The following RIN2 variants were observed in gnomAD, a reference collection of about 807,000 sequenced individuals.
RIN2 encodes RAB5 interacting protein 2.
RIN2 carries 36 observed loss-of-function variants against 78.0 expected under a neutral mutation model. That is an observed-to-expected ratio of 0.46 (90% CI 0.35 to 0.61). RIN2 has a LOEUF of 0.61. Among genes scored for constraint, RIN2 ranks in the 20% least tolerant of loss-of-function variants. The pLI is 0.00. For missense variants in RIN2, 1,087 were observed against 1,159.7 expected (o/e 0.94, Z 0.91); for synonymous variants, 466 against 466.8 (o/e 1.00, Z 0.02).
At chr20:19,924,503 C>T (rs111212269) in intron 3 of RIN2, among the ~76,000 whole-genome samples, 395 of 22,576 alleles carry the variant, frequency 0.017, 3 homozygotes, top group African/African-American at 0.033. Flanking sequence ...CTTCATACCC[C>T]CACCTTCACA....
chr20:19,886,513 T>C lies in RIN2; in HGVS notation c.-36-3053T>C, dbSNP rs560109443. The C allele has an allele frequency of 3.1e-5, 18 of 575,412 alleles. No individual in the cohort carries two copies. The East Asian group carries it at 3.7e-4, about 12-fold the overall frequency. 35.6% of individuals were successfully genotyped at this position (575,412 alleles called of 1,614,324 possible). On this transcript the variant is annotated intron_variant, in intron 2 of 12. Transcript: ENST00000255006. ...GCGCCGACCAACGCGACCAGCTCCGTTTACATTCTTTCAGTGGTGTTGTTG... is the reference window on the plus strand; with the variant it reads ...GCGCCGACCAACGCGACCAGCTCCGCTTACATTCTTTCAGTGGTGTTGTTG...
chr20:19,963,699 G>A (rs2041841140), intron 6 of RIN2, among the ~76,000 whole-genome samples: 1 of 152,038 alleles, frequency 6.6e-6, no homozygotes, highest in African/African-American at 2.4e-5. Context: ...CATAAAACAG[G>A]ATATTTCAAA....
chr20:19,863,271 C>T (rs2037401338), intron 2 of RIN2, among the ~76,000 whole-genome samples: 1 of 152,216 alleles, frequency 6.6e-6, no homozygotes, highest in Non-Finnish European at 1.5e-5. Flanking sequence ...ATTTCTATAA[C>T]ATTTGCAGTG....
Position 19,975,899 on chromosome 20 carries a change from G to T in RIN2, c.1762+112G>T, listed in dbSNP as rs1466081146. Reference sequence around the variant, plus strand: ...ACTCCGAAGTTCAAAACAACACCCAGCTCCACCTTCTCTCCCGGTTTGAAT... The same window carrying T: ...ACTCCGAAGTTCAAAACAACACCCATCTCCACCTTCTCTCCCGGTTTGAAT... On this transcript the variant is annotated intron_variant, in intron 9 of 12. Coordinates refer to ENST00000255006, the MANE Select transcript of RIN2 (RefSeq NM_018993.4). The surrounding 1 kb of genome is among the most constrained non-coding windows in gnomAD (Gnocchi z 4.9). 1.9e-5 allele frequency: 19 copies of T among 992,530 alleles called. No homozygotes were observed. The Admixed American group carries it at 3.9e-4, about 20-fold the overall frequency. The allele number at this position is 992,530 out of a possible 1,614,324, so 61.5% of individuals were successfully genotyped here. A position where few individuals can be genotyped will look rare whatever the true frequency, so the allele number is the denominator to read the frequency against.
intron 2 of RIN2, among the ~76,000 whole-genome samples, chr20:19,877,669 G>A (rs1339846938): frequency 6.6e-6 from 1 of 152,136 alleles, no homozygotes; most frequent in Non-Finnish European, 1.5e-5. Flanking sequence ...GCCCACACAG[G>A]ACCGAACCTT....
intron 1 of RIN2, 124 bp from the exon 2 acceptor site, chr20:19,799,498 A>T (rs1399199279): frequency 6.6e-6 from 1 of 152,194 alleles, no homozygotes; most frequent in Non-Finnish European, 1.5e-5. Flanking sequence ...AAAGGCCATC[A>T]CTGTGTTCTC....
At chr20:19,881,850 T>C (rs2038036079) in intron 2 of RIN2, among the ~76,000 whole-genome samples, 1 of 152,196 alleles carries the variant, frequency 6.6e-6, no homozygotes, top group East Asian at 1.9e-4. Context: ...ATTGTAAGAA[T>C]AAAGAGTATT....
At chr20:19,883,889 TA>T (rs140532587) in intron 2 of RIN2, among the ~76,000 whole-genome samples, 1,492 of 143,720 alleles carry the variant, frequency 0.01, 13 homozygotes, top group African/African-American at 0.031. Flanking sequence ...ACCACCTTGT[TA>T]AAAAAAAAAA....
intron 1 of RIN2, among the ~76,000 whole-genome samples, chr20:19,761,094 G>A (rs2033622294): frequency 6.6e-6 from 1 of 152,214 alleles, no homozygotes; most frequent in Non-Finnish European, 1.5e-5. Flanking sequence ...GGACTGTAAT[G>A]CCTCTGAAGA....
At chr20:19,997,993 T>TTA (rs2043024008) in intron 12 of RIN2, among the ~76,000 whole-genome samples, 1 of 151,464 alleles carries the variant, frequency 6.6e-6, no homozygotes, top group African/African-American at 2.4e-5. Context: ...TTTTTTTTCT[T>TTA]AAGACAGAGT....
rs559101641 is a variant in RIN2 at position 19,930,697 on chromosome 20, G to T, written c.58-4402G>T. Reference sequence around the variant, plus strand: ...CTCTCCTGTTTGGGGCCACAGCCACGGTCCAGAATGAAGCAGGGCCTAGTC... The same window carrying T: ...CTCTCCTGTTTGGGGCCACAGCCACTGTCCAGAATGAAGCAGGGCCTAGTC... On this transcript the variant is annotated intron_variant, in intron 3 of 12. Transcript: ENST00000255006. 3.9e-5 allele frequency among the ~76,000 whole-genome samples: 6 copies of T among 152,240 alleles called. No homozygotes were observed. The East Asian group carries it at 1.2e-3, about 29-fold the overall frequency.
At chr20:19,812,468 T>G (rs1364631193) in intron 2 of RIN2, among the ~76,000 whole-genome samples, 1 of 152,246 alleles carries the variant, frequency 6.6e-6, no homozygotes, top group East Asian at 1.9e-4. Flanking sequence ...ACTAATGATG[T>G]TAAGCATCTT....
chr20:19,902,653 G>C (rs1363865652), intron 3 of RIN2, among the ~76,000 whole-genome samples: 1 of 152,156 alleles, frequency 6.6e-6, no homozygotes, highest in Non-Finnish European at 1.5e-5. Flanking sequence ...CTTGCGCTGG[G>C]TAATTCTAAG....
chr20:19,934,262 G>A (rs185538915), intron 3 of RIN2, among the ~76,000 whole-genome samples: 9 of 137,644 alleles, frequency 6.5e-5, no homozygotes, highest in East Asian at 5.9e-4. Flanking sequence ...TGTAAATAAC[G>A]TTTGTATGGA....
intron 1 of RIN2, among the ~76,000 whole-genome samples, chr20:19,785,275 T>TACATAC (rs1555817796): frequency 2.1e-5 from 3 of 142,956 alleles, no homozygotes; most frequent in Non-Finnish European, 4.7e-5. Context: ...CCCCTCTACA[T>TACATAC]ACACACACAC....
chr20:19,854,573 T>C (rs1308839418), intron 2 of RIN2, among the ~76,000 whole-genome samples: 2 of 152,360 alleles, frequency 1.3e-5, no homozygotes, highest in East Asian at 1.9e-4. Context: ...TGGTTTGTAG[T>C]TCTCCTTGAA....
At chr20:19,977,182 G>A (rs545330489) in intron 9 of RIN2, among the ~76,000 whole-genome samples, 63 of 152,236 alleles carry the variant, frequency 4.1e-4, no homozygotes, top group Non-Finnish European at 8.2e-4. Flanking sequence ...CCTCTTAGGG[G>A]CTGGGGTCAG....
intron 7 of RIN2, 72 bp from the exon 8 acceptor site, chr20:19,970,766 A>G (rs1164453586): frequency 4.2e-6 from 5 of 1,191,716 alleles, no homozygotes; most frequent in Non-Finnish European, 4.9e-6. Flanking sequence ...AAACATCTCT[A>G]TGATGAAAAT....
At chr20:19,822,116 T>A (rs769305657) in intron 2 of RIN2, among the ~76,000 whole-genome samples, 12 of 152,174 alleles carry the variant, frequency 7.9e-5, no homozygotes, top group Admixed American at 6.5e-4. Flanking sequence ...TGTTCCAGCC[T>A]TTAAGATGGA....
Sources: gnomAD v4.1 joint callset for allele counts (sites outside exome capture counted in the v4.1 genomes callset) on GRCh38, gnomAD v4.1.1 for gene constraint, Gnocchi (gnomAD v3.1) non-coding constraint, MANE v1.5 for transcripts, NCBI Gene and HGNC (gene_info 2026-07-23, HGNC 2026-07-21) for gene names.